The following JMJD1C variants were observed in gnomAD, a reference collection of about 807,000 sequenced individuals.
JMJD1C encodes jumonji domain-containing protein 1C.
JMJD1C carries 31 observed loss-of-function variants against 245.3 expected under a neutral mutation model. That is an observed-to-expected ratio of 0.13 (90% CI 0.09 to 0.17). The LOEUF is 0.17. JMJD1C is among the 10% of genes least tolerant of loss of function. JMJD1C has a pLI of 1.00. For missense variants in JMJD1C, 2,691 were observed against 3,000.2 expected, an observed-to-expected ratio of 0.90 and a Z score of 2.41; for synonymous variants, 1,057 against 1,017.4, an observed-to-expected ratio of 1.04 and a Z score of -0.74.
At chr10:63,360,043 C>T (rs574943710) in intron 2 of JMJD1C, among the ~76,000 whole-genome samples, 1 of 152,052 alleles carries the variant, frequency 6.6e-6, no homozygotes, top group South Asian at 2.1e-4. Flanking sequence ...AGCAGAATGG[C>T]TTGTGTCTGT....
At chr10:63,433,346 T>C (rs983089000) in intron 1 of JMJD1C, among the ~76,000 whole-genome samples, 2 of 152,192 alleles carry the variant, frequency 1.3e-5, no homozygotes, top group African/African-American at 2.4e-5. Context: ...TCCGCTCGCC[T>C]TGGCCTCCCA....
chr10:63,336,272 C>T (rs1942721651), intron 2 of JMJD1C, among the ~76,000 whole-genome samples: 2 of 152,158 alleles, frequency 1.3e-5, no homozygotes, highest in South Asian at 4.1e-4. Context: ...ACCAGCCTGG[C>T]CAACATGGTG....
chr10:63,217,024 C>T (rs572786657), intron 5 of JMJD1C, among the ~76,000 whole-genome samples, 183 bp downstream of exon 5: 1 of 152,276 alleles, frequency 6.6e-6, no homozygotes, highest in African/African-American at 2.4e-5. Flanking sequence ...TTGAGCATTG[C>T]TGTCTCCCTA....
intron 1 of JMJD1C, among the ~76,000 whole-genome samples, chr10:63,386,484 G>T (rs549929418): frequency 6.6e-6 from 1 of 152,190 alleles, no homozygotes; most frequent in Non-Finnish European, 1.5e-5. Flanking sequence ...ACCTGAGGAC[G>T]GGTCTGCTCA....
At chr10:63,270,381 T>C (rs780190157) in intron 2 of JMJD1C, among the ~76,000 whole-genome samples, 9 of 151,924 alleles carry the variant, frequency 5.9e-5, no homozygotes, top group Non-Finnish European at 1.3e-4. Flanking sequence ...TGGCCAGGCT[T>C]GTCTCAAAAA....
rs1846809138 is a variant in JMJD1C, at chr10:63,207,712, T to C, written c.3957A>G (p.Pro1319=). 1 of 1,614,086 alleles carries C rather than the reference T, an allele frequency of 6.2e-7. No homozygotes were observed. Among genetic ancestry groups the C allele is most frequent in the African/African-American group, 1.3e-5 (1 of 74,936 alleles). ...GATCTTTAGAAGCTAACTGCATTGC[T>C]GGCATACTATCAGTTTTTGTACTAG... ...PSSSTKTDSM[P]AMQLASKDRV... The change falls in exon 10 of 26, where the codon CCA becomes CCG. Residue 1319 remains proline (P), a synonymous_variant. Coordinates refer to ENST00000399262, the MANE Select transcript of JMJD1C (RefSeq NM_032776.3).
chr10:63,356,216 T>C (rs1815679850), intron 2 of JMJD1C, among the ~76,000 whole-genome samples: 1 of 152,182 alleles, frequency 6.6e-6, no homozygotes, highest in Admixed American at 6.5e-5. Context: ...AACTACTTCA[T>C]CTACTACAAA....
At chr10:63,297,119 A>C (rs1859526554) in intron 2 of JMJD1C, among the ~76,000 whole-genome samples, 1 of 152,198 alleles carries the variant, frequency 6.6e-6, no homozygotes, top group Admixed American at 6.5e-5. Flanking sequence ...TCGACAGCGA[A>C]GTGTTTATTT....
At chr10:63,386,111 C>A (rs184905326) in intron 1 of JMJD1C, among the ~76,000 whole-genome samples, 2 of 151,984 alleles carry the variant, frequency 1.3e-5, no homozygotes, top group African/African-American at 4.8e-5. Flanking sequence ...CACACACACA[C>A]CCCAAAAAGA....
intron 1 of JMJD1C, among the ~76,000 whole-genome samples, chr10:63,517,577 T>C (rs1219114847): frequency 6.6e-6 from 1 of 152,138 alleles, no homozygotes; most frequent in Non-Finnish European, 1.5e-5. Context: ...GCGCTTTATA[T>C]AGCACAATGT....
At chr10:63,471,701 C>G (rs1953496293) in intron 1 of JMJD1C, among the ~76,000 whole-genome samples, 1 of 152,154 alleles carries the variant, frequency 6.6e-6, no homozygotes, top group Admixed American at 6.6e-5. Flanking sequence ...TGTAAAACTG[C>G]TTCTTTCCTC....
intron 1 of JMJD1C, among the ~76,000 whole-genome samples, chr10:63,449,806 A>C (rs1951930460): frequency 6.6e-6 from 1 of 152,106 alleles, no homozygotes. Context: ...TTAGTCTATA[A>C]AACTGTACAC....
intron 2 of JMJD1C, among the ~76,000 whole-genome samples, chr10:63,331,662 G>C (rs751006478): frequency 1.8e-4 from 27 of 152,174 alleles, no homozygotes; most frequent in Non-Finnish European, 3.5e-4. Flanking sequence ...GCCCAGGCTG[G>C]AGTACAGTGG....
intron 2 of JMJD1C, among the ~76,000 whole-genome samples, chr10:63,332,469 T>C (rs942749854): frequency 6.6e-6 from 1 of 152,208 alleles, no homozygotes; most frequent in African/African-American, 2.4e-5. Context: ...AATGGAGGAA[T>C]AGACTGTAAC....
chr10:63,357,394 C>T (rs1944936763), intron 2 of JMJD1C, among the ~76,000 whole-genome samples: 1 of 152,188 alleles, frequency 6.6e-6, no homozygotes. Flanking sequence ...CAACCTACGC[C>T]TCCCAGGTTC....
chr10:63,236,046 T>G (rs1314683299), intron 3 of JMJD1C, among the ~76,000 whole-genome samples: 1 of 152,136 alleles, frequency 6.6e-6, no homozygotes, highest in East Asian at 1.9e-4. Flanking sequence ...TCCTCAAGAG[T>G]AATTTTGGAA....
At chr10:63,309,494 C>CAAAAA (rs71025153) in intron 2 of JMJD1C, among the ~76,000 whole-genome samples, 6 of 49,404 alleles carry the variant, frequency 1.2e-4, no homozygotes, top group East Asian at 7.4e-4. Context: ...GACTCCATCT[C>CAAAAA]AAAAAAAAAA....
At chr10:63,274,357 G>A (rs981234896) in intron 2 of JMJD1C, among the ~76,000 whole-genome samples, 3 of 152,230 alleles carry the variant, frequency 2.0e-5, no homozygotes, top group East Asian at 3.9e-4. Context: ...TTGAGCCCAC[G>A]AGTTTAGATC....
intron 3 of JMJD1C, among the ~76,000 whole-genome samples, chr10:63,245,902 T>C (rs911822862): frequency 6.6e-6 from 1 of 152,130 alleles, no homozygotes; most frequent in Non-Finnish European, 1.5e-5. Context: ...GTGGGAACTG[T>C]GGGAGTTACA....
Sources: gnomAD v4.1 joint callset for allele counts (sites outside exome capture counted in the v4.1 genomes callset) on GRCh38, gnomAD v4.1.1 for gene constraint, MANE v1.5 for transcripts, NCBI Gene and HGNC (gene_info 2026-07-23, HGNC 2026-07-21) for gene names.